The following C12orf42 variants were observed in gnomAD, a reference collection of about 807,000 sequenced individuals.
The protein encoded by C12orf42 is uncharacterized protein C12orf42.
Under a neutral mutation model 21.6 loss-of-function variants are expected in C12orf42, and 25 were observed. The ratio of observed to expected loss-of-function variants is 1.16; its 90% CI spans 0.84 to 1.62. The LOEUF is 1.62. C12orf42 is among the 40% of genes most tolerant of loss of function. C12orf42 has a pLI of 0.00. For missense variants in C12orf42, 483 were observed against 459.3 expected, an observed-to-expected ratio of 1.05 and a Z score of -0.47; for synonymous variants, 174 against 175.0, an observed-to-expected ratio of 0.99 and a Z score of 0.05.
chr12:103,373,301 G>A (rs2045421108), intron 3 of C12orf42, among the ~76,000 whole-genome samples: 1 of 152,188 alleles, frequency 6.6e-6, no homozygotes, highest in Non-Finnish European at 1.5e-5. Flanking sequence ...ATAATGCCAA[G>A]TGGCCTCGTG....
At chr12:103,264,419 C>T (rs986720543), downstream of C12orf42, among the ~76,000 whole-genome samples, 3 of 152,036 alleles carry the variant, frequency 2.0e-5, no homozygotes, top group Non-Finnish European at 2.9e-5. Flanking sequence ...AGAAAAGAAA[C>T]GAGCCGTCAA....
intron 1 of C12orf42, among the ~76,000 whole-genome samples, chr12:103,481,942 C>T (rs967279631): frequency 1.3e-5 from 2 of 151,782 alleles, no homozygotes; most frequent in African/African-American, 4.8e-5. Context: ...AACTTACAAT[C>T]TAAGTATTTT....
chr12:103,241,921 A>C lies in C12orf42; in HGVS notation c.*1367-4019T>G, dbSNP rs1248401782. Among the ~76,000 whole-genome samples, 3 of 152,178 alleles carry C rather than the reference A, an allele frequency of 2.0e-5. No homozygotes were observed. The East Asian group carries it at 5.8e-4, about 29-fold the overall frequency. The stretch of plus-strand genomic sequence containing the variant: ...ATTTTAAAATAAATGTATAGGCACT[A>C]AACCTCAAGGTGGTTACTAAGACCT... On this transcript the variant is annotated intron_variant and NMD_transcript_variant, in intron 10 of 10. Transcript: ENST00000547347.
At chr12:103,539,993 T>TTTTTTG in the C12orf42 span, among the ~76,000 whole-genome samples, 384 of 150,922 alleles carry the variant, frequency 2.5e-3, 1 homozygote, top group African/African-American at 5.5e-3. Flanking sequence ...CATGAGGTCG[T>TTTTTTG]TTTTTGTTTT....
chr12:103,186,437 C>T, the C12orf42 span, among the ~76,000 whole-genome samples: 2 of 152,116 alleles, frequency 1.3e-5, no homozygotes, highest in African/African-American at 2.4e-5. Flanking sequence ...CTTTCATCCA[C>T]GCACTTAAAA....
chr12:103,064,574 A>T, the C12orf42 span, among the ~76,000 whole-genome samples: 1 of 152,230 alleles, frequency 6.6e-6, no homozygotes, highest in African/African-American at 2.4e-5. Context: ...ATGGCCCCTC[A>T]ATCAATTTAC....
chr12:103,393,184 C>T (rs1425143170), intron 3 of C12orf42, among the ~76,000 whole-genome samples: 1 of 152,128 alleles, frequency 6.6e-6, no homozygotes, highest in African/African-American at 2.4e-5. Context: ...TTAATTGGCT[C>T]ACAGGGATCT....
chr12:103,351,046 G>A (rs10860989), intron 4 of C12orf42, among the ~76,000 whole-genome samples: 50,525 of 151,810 alleles, frequency 0.33, 9,001 homozygotes, highest in African/African-American at 0.46. Flanking sequence ...CTGTAATTGC[G>A]TTGTTTGTAT....
chr12:103,189,919 C>A, the C12orf42 span, among the ~76,000 whole-genome samples: 1 of 152,132 alleles, frequency 6.6e-6, no homozygotes, highest in East Asian at 1.9e-4. Context: ...GAGGTAACTA[C>A]TTTGTACTAG....
the C12orf42 span, among the ~76,000 whole-genome samples, chr12:103,146,205 G>A: frequency 6.6e-6 from 1 of 152,038 alleles, no homozygotes; most frequent in Non-Finnish European, 1.5e-5. Flanking sequence ...ATAGGGCTGG[G>A]CGTGGTGGCT....
intron 3 of C12orf42, among the ~76,000 whole-genome samples, chr12:103,389,904 A>C (rs1002741268): frequency 1.3e-5 from 2 of 152,184 alleles, no homozygotes; most frequent in Admixed American, 6.5e-5. Context: ...TCTTTCCTGA[A>C]ACACAATCTT....
chr12:103,238,318 C>G (rs1680926778), intron 10 of C12orf42, among the ~76,000 whole-genome samples: 1 of 151,918 alleles, frequency 6.6e-6, no homozygotes, highest in African/African-American at 2.4e-5. Context: ...GCCAGCAGAG[C>G]CTAAAATACT....
downstream of C12orf42, among the ~76,000 whole-genome samples, chr12:103,233,871 A>G (rs12818763): frequency 2.9e-4 from 44 of 152,206 alleles, no homozygotes; most frequent in Admixed American, 2.9e-3. Context: ...GAAGTGGTGA[A>G]AAGAGGCATC....
chr12:103,053,524 A>G, the C12orf42 span, among the ~76,000 whole-genome samples: 1 of 151,988 alleles, frequency 6.6e-6, no homozygotes, highest in Non-Finnish European at 1.5e-5. Flanking sequence ...CATGGTTTAC[A>G]AATATTTTCT....
At chr12:103,191,203 A>C in the C12orf42 span, among the ~76,000 whole-genome samples, 2 of 152,170 alleles carry the variant, frequency 1.3e-5, no homozygotes, top group Admixed American at 6.5e-5. Flanking sequence ...AAGGTTTCTC[A>C]GAAAACCAAA....
intron 3 of C12orf42, among the ~76,000 whole-genome samples, chr12:103,398,991 A>G (rs937344909): frequency 1.3e-5 from 2 of 152,086 alleles, no homozygotes; most frequent in Admixed American, 6.5e-5. Flanking sequence ...CAAAAATACT[A>G]TGATGGACTT....
chr12:103,094,225 G>T, the C12orf42 span, among the ~76,000 whole-genome samples: 3 of 152,056 alleles, frequency 2.0e-5, no homozygotes, highest in Non-Finnish European at 4.4e-5. Flanking sequence ...TTGCTGTCAG[G>T]CTAACCTTCT....
At chr12:103,339,973 G>C (rs1444646215) in intron 4 of C12orf42, among the ~76,000 whole-genome samples, 1 of 152,228 alleles carries the variant, frequency 6.6e-6, no homozygotes, top group African/African-American at 2.4e-5. Context: ...AAATTAGCGT[G>C]TCAGTCTAAA....
chr12:103,272,964 T>C (rs1050998150), intron 5 of C12orf42, among the ~76,000 whole-genome samples: 2 of 152,234 alleles, frequency 1.3e-5, no homozygotes, highest in Non-Finnish European at 2.9e-5. Flanking sequence ...AAGTTCATTA[T>C]AGTCACACCA....
Sources: gnomAD v4.1 joint callset for allele counts (sites outside exome capture counted in the v4.1 genomes callset) on GRCh38, gnomAD v4.1.1 for gene constraint, MANE v1.5 for transcripts, NCBI Gene and HGNC (gene_info 2026-07-23, HGNC 2026-07-21) for gene names.